The following RALGPS2 variants were observed in gnomAD, a reference collection of about 807,000 sequenced individuals.
The protein encoded by RALGPS2 is Ral GEF with PH domain and SH3 binding motif 2.
Under a neutral mutation model 86.8 loss-of-function variants are expected in RALGPS2, and 43 were observed. That is an observed-to-expected ratio of 0.50 (90% CI 0.39 to 0.64). RALGPS2 has a LOEUF of 0.64. Among genes scored for constraint, RALGPS2 ranks in the 30% least tolerant of loss-of-function variants. The probability of loss-of-function intolerance (pLI) is 0.00; values close to 1 mark genes in which losing one functional copy is unlikely to be tolerated. For missense variants in RALGPS2, 536 were observed against 694.6 expected (o/e 0.77, Z 2.57); for synonymous variants, 243 against 231.3 (o/e 1.05, Z -0.46).
intron 5 of RALGPS2, 103 bp from the exon 6 acceptor site, chr1:178,811,212 A>T: frequency 2.7e-6 from 2 of 728,194 alleles, no homozygotes; most frequent in Non-Finnish European, 2.2e-6. Flanking sequence ...AACAATGTTT[A>T]ATTTTAGAGC....
chr1:178,786,073 C>A (rs1382518170), intron 4 of RALGPS2, among the ~76,000 whole-genome samples: 1 of 152,044 alleles, frequency 6.6e-6, no homozygotes, highest in Non-Finnish European at 1.5e-5. Flanking sequence ...TCAGGGGAAG[C>A]GGATCATCAT....
In RALGPS2 at chr1:178,852,786, A is replaced by G. The variant is rs34332039; in HGVS notation, c.607+19236A>G. The G allele has an allele frequency of 9.3e-4, 1,503 of 1,613,938 alleles. 8 individuals carry two copies. Among genetic ancestry groups the G allele is most frequent in the African/African-American group, 4.3e-3 (320 of 75,044 alleles). ...CCTGGTAAGTTCCCAGGCGCAGTCT[A>G]TAGAATTCACTTTCAGGTTCCAGAC... On this transcript the variant is annotated intron_variant, in intron 8 of 19. Transcript: ENST00000367635.
At chr1:178,885,249 C>G (rs1659430493) in intron 12 of RALGPS2, 38 bp downstream of exon 12, 1 of 1,568,588 alleles carries the variant, frequency 6.4e-7, no homozygotes. Flanking sequence ...ATTTTTAAGT[C>G]TTTTGTAATT....
intron 4 of RALGPS2, among the ~76,000 whole-genome samples, chr1:178,796,063 A>C (rs181684710): frequency 2.0e-4 from 31 of 152,280 alleles, no homozygotes; most frequent in Non-Finnish European, 4.0e-4. Flanking sequence ...GCTGTTCATC[A>C]CTGTGAACTT....
At chr1:178,765,761 T>A (rs1342091035) in intron 1 of RALGPS2, among the ~76,000 whole-genome samples, 2 of 152,176 alleles carry the variant, frequency 1.3e-5, no homozygotes, top group Non-Finnish European at 2.9e-5. Context: ...GATCTCCCTT[T>A]GGTAATGCAT....
In RALGPS2 at chr1:178,802,443, G is replaced by C. The variant is rs115916208; in HGVS notation, c.214-5602G>C. On this transcript the variant is annotated intron_variant, in intron 4 of 19. Transcript: ENST00000367635. ...AGTGGTGCTTCTTATGGGTCCCATG[G>C]TGTTATTCAAGGTTTAGGATATTGC... 5.8e-3 allele frequency among the ~76,000 whole-genome samples: 879 copies of C among 152,184 alleles called. 9 individuals carry two copies. Among genetic ancestry groups the C allele is most frequent in the African/African-American group, 0.02 (825 of 41,534 alleles).
rs1230859254 is a variant in RALGPS2, at chr1:178,761,429, CAA to C, written c.-83-15240_-83-15239del. 6.1e-3 allele frequency among the ~76,000 whole-genome samples: 834 copies of C among 135,866 alleles called. 8 individuals carry two copies. Among genetic ancestry groups the C allele is most frequent in the African/African-American group, 0.021 (793 of 37,408 alleles). 89.1% of individuals were successfully genotyped at this position (135,866 alleles called of 152,430 possible). A position where few individuals can be genotyped will look rare whatever the true frequency, so the allele number is the denominator to read the frequency against. On this transcript the variant is annotated intron_variant, in intron 1 of 19. Coordinates refer to ENST00000367635, the MANE Select transcript of RALGPS2 (RefSeq NM_152663.5). ...GGGCGACTTGAGTGACACTCTGTCT[CAA>C]AAAAAAAAAAAATTCTTTTTGCTTT...
At chr1:178,738,707 G>C (rs1328217104) in intron 1 of RALGPS2, among the ~76,000 whole-genome samples, 1 of 152,060 alleles carries the variant, frequency 6.6e-6, no homozygotes, top group Non-Finnish European at 1.5e-5. Context: ...TATGAATCTG[G>C]GCAAGTTACT....
chr1:178,886,504 A>G (rs1659490069), intron 13 of RALGPS2, among the ~76,000 whole-genome samples: 1 of 152,208 alleles, frequency 6.6e-6, no homozygotes, highest in East Asian at 1.9e-4. Context: ...ATCTGTGGGC[A>G]GTGAAGCGTT....
chr1:178,838,331 A>C (rs1357072832), intron 8 of RALGPS2, among the ~76,000 whole-genome samples: 3 of 152,212 alleles, frequency 2.0e-5, no homozygotes, highest in African/African-American at 7.2e-5. Context: ...CGAAGCTTCT[A>C]GAGGAACAAT....
chr1:178,753,233 T>G (rs1449076253), intron 1 of RALGPS2, among the ~76,000 whole-genome samples: 1 of 152,224 alleles, frequency 6.6e-6, no homozygotes, highest in Non-Finnish European at 1.5e-5. Flanking sequence ...TTGTCCTTTT[T>G]TTTCCTGCCT....
At chr1:178,833,187 T>C (rs1407728315) in intron 7 of RALGPS2, among the ~76,000 whole-genome samples, 2 of 152,114 alleles carry the variant, frequency 1.3e-5, no homozygotes, top group African/African-American at 4.8e-5. Flanking sequence ...GAAAATGTTA[T>C]AATTTATTAC....
chr1:178,733,776 TAG>T (rs1371137869), intron 1 of RALGPS2, among the ~76,000 whole-genome samples: 1 of 152,136 alleles, frequency 6.6e-6, no homozygotes, highest in Non-Finnish European at 1.5e-5. Flanking sequence ...GAAGAAAACA[TAG>T]GGGTAAATCT....
intron 2 of RALGPS2, among the ~76,000 whole-genome samples, chr1:178,780,328 A>C (rs1653329093): frequency 6.6e-6 from 1 of 152,040 alleles, no homozygotes; most frequent in African/African-American, 2.4e-5. Flanking sequence ...CTATTACTGT[A>C]CTACCATGTT....
chr1:178,897,788 G>T, intron 17 of RALGPS2, 32 bp downstream of exon 17: 1 of 1,569,174 alleles, frequency 6.4e-7, no homozygotes, highest in Non-Finnish European at 8.8e-7. Flanking sequence ...TTTTAGCGTG[G>T]TTTCCCAGAC....
At chr1:178,852,133 T>G (rs1378246654) in intron 8 of RALGPS2, among the ~76,000 whole-genome samples, 1 of 152,168 alleles carries the variant, frequency 6.6e-6, no homozygotes. Flanking sequence ...CATCCTTCAT[T>G]TCTTGCGACT....
intron 1 of RALGPS2, among the ~76,000 whole-genome samples, chr1:178,726,542 TAAAAA>T (rs199974693): frequency 6.9e-6 from 1 of 144,276 alleles, no homozygotes; most frequent in Admixed American, 7.0e-5. Context: ...AAATTTCTGT[TAAAAA>T]AAAAAAACCC....
At chr1:178,829,562 T>G (rs1655916933) in intron 7 of RALGPS2, among the ~76,000 whole-genome samples, 1 of 152,104 alleles carries the variant, frequency 6.6e-6, no homozygotes, top group Admixed American at 6.5e-5. Context: ...CTTTCCCCAT[T>G]CATGTTCATG....
At chr1:178,732,491 G>A (rs1362489233) in intron 1 of RALGPS2, among the ~76,000 whole-genome samples, 2 of 151,884 alleles carry the variant, frequency 1.3e-5, no homozygotes, top group African/African-American at 4.8e-5. Flanking sequence ...GTAGAGACAG[G>A]GTTTCACCAT....
Sources: gnomAD v4.1 joint callset for allele counts (sites outside exome capture counted in the v4.1 genomes callset) on GRCh38, gnomAD v4.1.1 for gene constraint, MANE v1.5 for transcripts, NCBI Gene and HGNC (gene_info 2026-07-23, HGNC 2026-07-21) for gene names.